The following PBX1 variants were observed in gnomAD, a reference collection of about 807,000 sequenced individuals.
PBX1 encodes the protein pre-B-cell leukemia transcription factor 1.
PBX1 carries 6 observed loss-of-function variants against 53.4 expected under a neutral mutation model. That is an observed-to-expected ratio of 0.11 (90% CI 0.06 to 0.22). PBX1 has a LOEUF of 0.22. Among genes scored for constraint, PBX1 ranks in the 10% least tolerant of loss-of-function variants. The probability of loss-of-function intolerance (pLI) is 1.00; values close to 1 mark genes in which losing one functional copy is unlikely to be tolerated. For synonymous variants in PBX1, 204 were observed against 212.3 expected (o/e 0.96, Z 0.34); for missense variants, 251 against 551.4 (o/e 0.46, Z 5.46).
chr1:164,681,396 A>ACTT lies in PBX1; in HGVS notation c.266-111096_266-111095insTCT, dbSNP rs543414543. On this transcript the variant is annotated intron_variant, in intron 2 of 8. Coordinates refer to ENST00000420696, the MANE Select transcript of PBX1 (RefSeq NM_002585.4). The stretch of plus-strand genomic sequence containing the variant: ...GTATTTTTAATCATAGGGAATGAAC[A>ACTT]CTAGAAAGTAAATGAAAAATGAGTT... Among the ~76,000 whole-genome samples, 84 of 152,320 alleles carry ACTT rather than the reference A, an allele frequency of 5.5e-4. 3 individuals are homozygous for ACTT. The South Asian group carries it at 0.017, about 31-fold the overall frequency.
At chr1:164,623,556 G>A (rs1280987493) in intron 2 of PBX1, among the ~76,000 whole-genome samples, 1 of 152,190 alleles carries the variant, frequency 6.6e-6, no homozygotes, top group African/African-American at 2.4e-5. Flanking sequence ...CCATCTCACT[G>A]CCAAAGTCGT....
intron 2 of PBX1, among the ~76,000 whole-genome samples, chr1:164,786,962 AT>A (rs1331490008): frequency 6.6e-6 from 1 of 152,124 alleles, no homozygotes; most frequent in South Asian, 2.1e-4. Context: ...AGGTGATGTA[AT>A]TCAGTGCGTG....
intron 2 of PBX1, chr1:164,700,513 A>C: frequency 1.0e-6 from 1 of 985,192 alleles, no homozygotes; most frequent in Non-Finnish European, 1.2e-6. Flanking sequence ...TTCGTAGCAA[A>C]TACTAGCTGT....
intron 2 of PBX1, among the ~76,000 whole-genome samples, chr1:164,661,111 A>T (rs1660461677): frequency 6.6e-6 from 1 of 152,196 alleles, no homozygotes; most frequent in Non-Finnish European, 1.5e-5. Flanking sequence ...AGAGGAGAAG[A>T]CTTTTACTAT....
chr1:164,799,903 G>GGGGCT lies in PBX1; in HGVS notation c.701+16_701+20dup, dbSNP rs1455766970. 1.9e-6 allele frequency: 3 copies of GGGGCT among 1,603,178 alleles called. No individual in the cohort carries two copies. In the African/African-American group the frequency reaches 4.0e-5, roughly 21 times the overall value. On this transcript the variant is annotated intron_variant, in intron 4 of 8. Coordinates refer to ENST00000420696, the MANE Select transcript of PBX1 (RefSeq NM_002585.4). The stretch of plus-strand genomic sequence containing the variant: ...TCTGGATGCGCGGTGAGTCTCCCAT[G>GGGGCT]GGGCTGTCCTGCCCTCTCTGGGAGT...
intron 2 of PBX1, among the ~76,000 whole-genome samples, chr1:164,644,445 A>G (rs998991234): frequency 2.0e-5 from 3 of 152,190 alleles, no homozygotes; most frequent in African/African-American, 7.2e-5. Flanking sequence ...AGGACCCTAG[A>G]CAGTTCCTCT....
intron 2 of PBX1, among the ~76,000 whole-genome samples, chr1:164,786,501 T>C (rs1020999266): frequency 2.6e-5 from 4 of 152,132 alleles, no homozygotes; most frequent in Non-Finnish European, 5.9e-5. Flanking sequence ...GAAGAGGGCA[T>C]TCTATCACCC....
At chr1:164,691,012 T>C (rs1233112473) in intron 2 of PBX1, among the ~76,000 whole-genome samples, 1 of 36,512 alleles carries the variant, frequency 2.7e-5, no homozygotes, top group African/African-American at 7.6e-5. Flanking sequence ...TTGTTAAATC[T>C]TTTTTTTTTT....
chr1:164,627,382 C>T (rs1403124649), intron 2 of PBX1, among the ~76,000 whole-genome samples: 8 of 152,052 alleles, frequency 5.3e-5, no homozygotes, highest in Non-Finnish European at 8.8e-5. Context: ...GTGTTGGTAC[C>T]GATGTGTGGC....
chr1:164,799,985 C>T (rs573975669), intron 4 of PBX1, 96 bp downstream of exon 4: 5 of 1,157,156 alleles, frequency 4.3e-6, no homozygotes, highest in Non-Finnish European at 6.1e-6. Context: ...TAGTTTCACC[C>T]CATCAACGCT....
chr1:164,727,665 C>T (rs1664768861), intron 2 of PBX1, among the ~76,000 whole-genome samples: 1 of 152,214 alleles, frequency 6.6e-6, no homozygotes, highest in Non-Finnish European at 1.5e-5. Context: ...CTCCCTTTGT[C>T]ATGGGAAGTG....
chr1:164,878,702 C>A (rs1672572923), intron 2 of PBX1, among the ~76,000 whole-genome samples: 1 of 151,894 alleles, frequency 6.6e-6, no homozygotes, highest in Admixed American at 6.6e-5. Context: ...AATATGAAGA[C>A]CATGTCAGTA....
intron 2 of PBX1, among the ~76,000 whole-genome samples, chr1:164,592,808 G>A (rs1049227284): frequency 5.9e-5 from 9 of 152,250 alleles, no homozygotes; most frequent in East Asian, 3.9e-4. Context: ...AGGCTCCCAC[G>A]CGCTGGCCTT....
chr1:164,764,726 G>A (rs998312817), intron 2 of PBX1, among the ~76,000 whole-genome samples: 2 of 152,000 alleles, frequency 1.3e-5, no homozygotes, highest in African/African-American at 4.8e-5. Flanking sequence ...ACTATTATTT[G>A]TGGCAACTTC....
intron 2 of PBX1, among the ~76,000 whole-genome samples, chr1:164,690,010 G>A (rs920460166): frequency 8.5e-5 from 13 of 152,164 alleles, no homozygotes; most frequent in East Asian, 1.9e-4. Flanking sequence ...TACCCATTAT[G>A]TGAATTAAAT....
intron 2 of PBX1, among the ~76,000 whole-genome samples, chr1:164,581,732 A>G (rs1397240314): frequency 6.6e-6 from 1 of 152,226 alleles, no homozygotes; most frequent in Admixed American, 6.5e-5. Flanking sequence ...TGTTGATATT[A>G]AAAATATAAT....
chr1:164,681,232 T>TA (rs369012093), intron 2 of PBX1, among the ~76,000 whole-genome samples: 22 of 152,156 alleles, frequency 1.4e-4, no homozygotes, highest in African/African-American at 4.6e-4. Flanking sequence ...ATCATTTTCT[T>TA]TGTAATACAA....
chr1:164,638,679 G>A (rs1249468564), intron 2 of PBX1, among the ~76,000 whole-genome samples: 2 of 152,186 alleles, frequency 1.3e-5, no homozygotes, highest in Admixed American at 6.5e-5. Flanking sequence ...AGTCAGGAGC[G>A]ATAAAGGCAG....
intron 2 of PBX1, among the ~76,000 whole-genome samples, chr1:164,693,478 A>C (rs1166768243): frequency 6.6e-6 from 1 of 152,176 alleles, no homozygotes; most frequent in Non-Finnish European, 1.5e-5. Flanking sequence ...TGCTTTAGGT[A>C]GGGTCCCCAC....
Sources: allele counts gnomAD v4.1 joint callset (sites outside exome capture counted in the v4.1 genomes callset), GRCh38; gene constraint gnomAD v4.1.1; transcripts MANE v1.5; gene names NCBI Gene and HGNC (gene_info 2026-07-23, HGNC 2026-07-21).